ADAM22: variants seen among roughly 807,000 people sequenced by gnomAD.
The protein encoded by ADAM22 is disintegrin and metalloproteinase domain-containing protein 22.
ADAM22 carries 65 observed loss-of-function variants against 144.6 expected under a neutral mutation model. The observed-to-expected ratio is 0.45, with a 90% CI of 0.37 to 0.55. The LOEUF is 0.55. Among genes scored for constraint, ADAM22 ranks in the 20% least tolerant of loss-of-function variants. The pLI, the probability that ADAM22 is intolerant of heterozygous loss-of-function variation, is 0.00. For missense variants in ADAM22, 974 were observed against 1,184.9 expected, an observed-to-expected ratio of 0.82 and a Z score of 2.61; for synonymous variants, 391 against 412.6, an observed-to-expected ratio of 0.95 and a Z score of 0.63.
chr7:88,007,873 G>C (rs1794342365), intron 3 of ADAM22, among the ~76,000 whole-genome samples: 1 of 152,178 alleles, frequency 6.6e-6, no homozygotes, highest in South Asian at 2.1e-4. Flanking sequence ...CAGAAGCAAT[G>C]GCAACAAAAG....
chr7:88,065,263 G>A (rs918851450), intron 3 of ADAM22, among the ~76,000 whole-genome samples: 2 of 151,824 alleles, frequency 1.3e-5, no homozygotes, highest in African/African-American at 4.8e-5. Context: ...TAACATAAAA[G>A]AACCATATTA....
chr7:88,143,093 G>A lies in ADAM22; in HGVS notation c.1288G>A (p.Gly430Ser). ...GTATCATGACTTCCTGAATAGTGGAGGTGGTGCCTGCCTTTTCAACAAACC... is the reference window on the plus strand; with the variant it reads ...GTATCATGACTTCCTGAATAGTGGAAGTGGTGCCTGCCTTTTCAACAAACC... ...EEYHDFLNSGGGACLFNKPSK... is the reference protein window; with the variant it reads ...EEYHDFLNSGSGACLFNKPSK... The change falls in exon 15 of 32, where the codon GGT (glycine) becomes AGT (serine). Residue 430 changes from glycine (G) to serine (S), a missense_variant. By Grantham distance (56) the Gly-to-Ser change is moderately conservative. Transcript: ENST00000413139. 1.9e-6 allele frequency: 3 copies of A among 1,612,470 alleles called. No homozygotes were observed. The highest frequency in any genetic ancestry group is 2.5e-6 in the Non-Finnish European group (3 of 1,178,946).
rs533932796 is a variant in ADAM22, at chr7:87,955,787, G to A, written c.246+20601G>A. On this transcript the variant is annotated intron_variant, in intron 2 of 31. Transcript: ENST00000413139. ...AGCTGTGGTGGGGTCCACCCAGTTC[G>A]AGCTTCCTGGCTGCTTCGTTTACCT... Among the ~76,000 whole-genome samples the A allele has an allele frequency of 1.3e-3, 193 of 152,308 alleles. 2 individuals carry two copies. Among genetic ancestry groups the A allele is most frequent in the Admixed American group, 0.012 (179 of 15,304 alleles).
In ADAM22 at chr7:88,200,659, G is replaced by A. The variant is rs1402485156; in HGVS notation, c.*4168G>A. ...TGCCACCTAAATACCTTTCCACTCC[G>A]TTAAATGTATGGAGTCAAGATAAAT... is the stretch of plus-strand genomic sequence containing the variant. On this transcript the variant is annotated 3_prime_UTR_variant, in exon 32 of 32. Coordinates refer to ENST00000413139, the MANE Select transcript of ADAM22 (RefSeq NM_001324418.2). 2.0e-5 allele frequency: 3 copies of A among 152,132 alleles called. No homozygotes were observed. The highest frequency in any genetic ancestry group is 2.1e-4 in the South Asian group (1 of 4,810). 9.4% of individuals were successfully genotyped at this position (152,132 alleles called of 1,614,324 possible).
chr7:88,035,316 TG>T (rs1801259968), intron 3 of ADAM22, among the ~76,000 whole-genome samples: 1 of 152,256 alleles, frequency 6.6e-6, no homozygotes, highest in South Asian at 2.1e-4. Context: ...TGCCTTGGCT[TG>T]GGCCCTAGAT....
chr7:88,082,725 A>G (rs1817145778), intron 4 of ADAM22, among the ~76,000 whole-genome samples: 1 of 152,214 alleles, frequency 6.6e-6, no homozygotes, highest in African/African-American at 2.4e-5. Flanking sequence ...CAGCCAAAAA[A>G]CACATGAAAA....
At chr7:88,171,163 A>G (rs1234283306) in intron 25 of ADAM22, among the ~76,000 whole-genome samples, 1 of 151,918 alleles carries the variant, frequency 6.6e-6, no homozygotes, top group Non-Finnish European at 1.5e-5. Context: ...ATTTCTGTAA[A>G]AAGTTATTTA....
At chr7:88,061,727 T>C (rs371188364) in intron 3 of ADAM22, among the ~76,000 whole-genome samples, 4 of 152,164 alleles carry the variant, frequency 2.6e-5, no homozygotes, top group East Asian at 3.9e-4. Flanking sequence ...TTTAGGATAA[T>C]TCCTAAGGGC....
intron 3 of ADAM22, among the ~76,000 whole-genome samples, chr7:88,055,137 C>T (rs1174597901): frequency 6.6e-6 from 1 of 151,800 alleles, no homozygotes; most frequent in East Asian, 1.9e-4. Flanking sequence ...TGTTTCTTCC[C>T]ATTTTCCTTC....
chr7:88,048,903 G>A (rs1805423530), intron 3 of ADAM22, among the ~76,000 whole-genome samples: 1 of 152,062 alleles, frequency 6.6e-6, no homozygotes, highest in African/African-American at 2.4e-5. Context: ...TTGTCAGAGG[G>A]ATTATTTAGA....
At chr7:87,950,002 GC>G (rs1421500402) in intron 2 of ADAM22, among the ~76,000 whole-genome samples, 1 of 151,462 alleles carries the variant, frequency 6.6e-6, no homozygotes, top group Non-Finnish European at 1.5e-5. Context: ...AAATCTTCAT[GC>G]CTCTAAAAGA....
chr7:88,109,885 A>T (rs1825563906), intron 5 of ADAM22, among the ~76,000 whole-genome samples: 1 of 152,186 alleles, frequency 6.6e-6, no homozygotes, highest in Non-Finnish European at 1.5e-5. Flanking sequence ...ACACTGACAG[A>T]TCTTAAATCT....
At position 88,136,082 on chromosome 7, in the gene ADAM22, T is replaced by A. The variant is rs763608240; in HGVS notation, c.1220+51T>A. The A allele has an allele frequency of 5.2e-6, 8 of 1,536,832 alleles. No individual in the cohort carries two copies. The African/African-American group carries it at 1.1e-4, about 21-fold the overall frequency. On this transcript the variant is annotated intron_variant, in intron 14 of 31. Coordinates refer to ENST00000413139, the MANE Select transcript of ADAM22 (RefSeq NM_001324418.2). The stretch of plus-strand genomic sequence containing the variant: ...CTCAGTCTTACATTCCCTGCTGTGC[T>A]GTTGTCTTCTTAGGAATATGACACT...
intron 10 of ADAM22, 54 bp from the exon 11 acceptor site, chr7:88,131,215 C>A: frequency 6.7e-7 from 1 of 1,497,060 alleles, no homozygotes; most frequent in Non-Finnish European, 9.2e-7. Flanking sequence ...TGTTCATAAA[C>A]TATTTGATTT....
intron 13 of ADAM22, among the ~76,000 whole-genome samples, chr7:88,135,638 G>A (rs1415808744): frequency 6.6e-6 from 1 of 152,172 alleles, no homozygotes; most frequent in East Asian, 1.9e-4. Flanking sequence ...ATAAAGGCCT[G>A]TGAAACTGAG....
At chr7:88,167,037 T>C (rs932008759) in intron 24 of ADAM22, among the ~76,000 whole-genome samples, 5 of 152,140 alleles carry the variant, frequency 3.3e-5, no homozygotes, top group Non-Finnish European at 7.4e-5. Flanking sequence ...TCTGCTCAGA[T>C]GACCTAGCCC....
At chr7:88,077,026 G>C (rs770364314) in intron 4 of ADAM22, among the ~76,000 whole-genome samples, 3 of 151,982 alleles carry the variant, frequency 2.0e-5, no homozygotes, top group Admixed American at 2.0e-4. Flanking sequence ...AGTGTTTTTT[G>C]TCATATGCAC....
At chr7:87,958,830 A>T (rs1389330262) in intron 2 of ADAM22, among the ~76,000 whole-genome samples, 2 of 152,060 alleles carry the variant, frequency 1.3e-5, no homozygotes, top group African/African-American at 4.8e-5. Flanking sequence ...CCCATTTTTC[A>T]ATTGAAATTT....
At chr7:88,122,607 C>T (rs1829565867) in intron 7 of ADAM22, among the ~76,000 whole-genome samples, 1 of 152,128 alleles carries the variant, frequency 6.6e-6, no homozygotes, top group African/African-American at 2.4e-5. Flanking sequence ...AAATCAGATC[C>T]AGGTGTGGAT....
Sources: allele counts gnomAD v4.1 joint callset (sites outside exome capture counted in the v4.1 genomes callset), GRCh38; gene constraint gnomAD v4.1.1; transcripts MANE v1.5; gene names NCBI Gene and HGNC (gene_info 2026-07-23, HGNC 2026-07-21).